The following ZNF540 variants were observed in gnomAD, a reference collection of about 807,000 sequenced individuals.
The protein encoded by ZNF540 is zinc finger protein 540, also known as CTD-3064H18.6.
ZNF540 carries 3 observed loss-of-function variants against 11.8 expected under a neutral mutation model. The ratio of observed to expected loss-of-function variants is 0.25; its 90% confidence interval spans 0.12 to 0.65. The LOEUF is 0.65. Ranked by LOEUF, ZNF540 falls within the 30% of genes least tolerant of loss-of-function variation. The probability of loss-of-function intolerance (pLI) is 0.83; values close to 1 mark genes in which losing one functional copy is unlikely to be tolerated. For synonymous variants in ZNF540, 247 were observed against 259.0 expected (o/e 0.95, Z 0.45); for missense variants, 709 against 793.1 (o/e 0.89, Z 1.27).
At position 37,612,244 on chromosome 19, in the gene ZNF540, A is replaced by G. The variant is rs751720212; in HGVS notation, c.964A>G (p.Thr322Ala). 6.2e-7 allele frequency: 1 copy of G among 1,613,872 alleles called. No homozygotes were observed. Among genetic ancestry groups the G allele is most frequent in the South Asian group, 1.1e-5 (1 of 91,048 alleles). The change falls in exon 5 of 5, where the codon ACA becomes GCA. Residue 322 changes from threonine (T) to alanine (A), a missense_variant. By Grantham distance (58) the Thr-to-Ala change is moderately conservative. Transcript: ENST00000316433. ...CTTTAAAGAACATGAGAGAATTCAT[A>G]CAGGTAAGAAACCCTATGAATGTAA... is the stretch of plus-strand genomic sequence containing the variant. ...FYFKEHERIH[T>A]GKKPYECKEC...
intron 1 of ZNF540, chr19:37,562,346 A>C (rs1206238099): frequency 6.6e-6 from 1 of 151,680 alleles, no homozygotes; most frequent in Non-Finnish European, 1.5e-5. Flanking sequence ...ACACCACTGC[A>C]CTCCAGCCTG....
chr19:37,612,212 T>C lies in ZNF540; in HGVS notation c.932T>C (p.Ile311Thr). 2 of 1,612,790 alleles carry C rather than the reference T, an allele frequency of 1.2e-6. No homozygotes were observed. The highest frequency in any genetic ancestry group is 1.7e-6 in the Non-Finnish European group (2 of 1,179,798). ...CKECGKVFQL[I>T]FYFKEHERIH... ...GAATGTGGAAAAGTTTTTCAACTTA[T>C]TTTCTACTTTAAAGAACATGAGAGA... Residue 311 changes from isoleucine (I) to threonine (T), a missense_variant, in exon 5 of 5, where the codon ATT becomes ACT. By Grantham distance (89) the Ile-to-Thr change is moderately conservative. Coordinates refer to ENST00000316433, the MANE Select transcript of ZNF540 (RefSeq NM_001172225.3).
chr19:37,555,061 A>C (rs1038472296), intron 1 of ZNF540: 1 of 152,256 alleles, frequency 6.6e-6, no homozygotes, highest in African/African-American at 2.4e-5. Flanking sequence ...ATTCCTGGGA[A>C]TTGCAGATAT....
chr19:37,596,032 T>C (rs1427850299), intron 1 of ZNF540, among the ~76,000 whole-genome samples: 1 of 152,184 alleles, frequency 6.6e-6, no homozygotes, highest in Non-Finnish European at 1.5e-5. Context: ...TATGAGGTTG[T>C]AAGAAATAAT....
intron 4 of ZNF540, among the ~76,000 whole-genome samples, chr19:37,609,235 G>A (rs1206733734): frequency 6.6e-6 from 1 of 152,130 alleles, no homozygotes; most frequent in Non-Finnish European, 1.5e-5. Flanking sequence ...GATATCATCT[G>A]AGAAAGCTTA....
chr19:37,597,515 C>G (rs1242045781), intron 1 of ZNF540: 1 of 152,184 alleles, frequency 6.6e-6, no homozygotes, highest in Non-Finnish European at 1.5e-5. Context: ...GCAGCCTCCC[C>G]CTCCCAGATT....
At chr19:37,556,801 C>T (rs893915748) in intron 1 of ZNF540, among the ~76,000 whole-genome samples, 1 of 152,196 alleles carries the variant, frequency 6.6e-6, no homozygotes. Context: ...GTGCACCTTA[C>T]TCTAAGTAGG....
chr19:37,600,006 G>C (rs1316388132), intron 3 of ZNF540, among the ~76,000 whole-genome samples: 1 of 152,094 alleles, frequency 6.6e-6, no homozygotes, highest in Non-Finnish European at 1.5e-5. Flanking sequence ...TAAGAGACTG[G>C]ATTTGAATTT....
At chr19:37,582,249 T>C (rs1228262036) in intron 1 of ZNF540, among the ~76,000 whole-genome samples, 1 of 152,168 alleles carries the variant, frequency 6.6e-6, no homozygotes, top group African/African-American at 2.4e-5. Context: ...CAAACCCACC[T>C]TGTCAGGGTC....
At chr19:37,598,506 CAT>C in intron 2 of ZNF540, 50 bp downstream of exon 2, 2 of 1,601,580 alleles carry the variant, frequency 1.2e-6, no homozygotes, top group East Asian at 4.5e-5. Flanking sequence ...TTTTAAAGAT[CAT>C]GTGAACATTT....
chr19:37,552,060 C>A (rs953151189), intron 1 of ZNF540, among the ~76,000 whole-genome samples: 2 of 152,092 alleles, frequency 1.3e-5, no homozygotes, highest in African/African-American at 4.8e-5. Context: ...TAAAAGCATA[C>A]ATTTCCCTCA....
intron 4 of ZNF540, 132 bp from the exon 5 acceptor site, chr19:37,611,381 T>C (rs772807848): frequency 3.1e-5 from 21 of 673,780 alleles, no homozygotes; most frequent in South Asian, 4.9e-5. Context: ...TATAACTTTA[T>C]TGAAATATTC....
chr19:37,560,415 C>T (rs1272709134), intron 1 of ZNF540: 1 of 150,424 alleles, frequency 6.6e-6, no homozygotes, highest in African/African-American at 2.5e-5. Flanking sequence ...CTCTGTTGCC[C>T]AGGCTGGAGT....
intron 4 of ZNF540, among the ~76,000 whole-genome samples, chr19:37,603,195 C>T (rs971229130): frequency 6.6e-6 from 1 of 151,928 alleles, no homozygotes; most frequent in East Asian, 1.9e-4. Flanking sequence ...TTAGTAGAAA[C>T]GGGGTCTCAC....
upstream of ZNF540, among the ~76,000 whole-genome samples, chr19:37,592,021 G>A (rs537771687): frequency 6.6e-6 from 1 of 152,252 alleles, no homozygotes; most frequent in South Asian, 2.1e-4. Context: ...ACTTTGGGAA[G>A]CTGAGGTGGG....
chr19:37,556,267 G>A (rs1419273893), intron 1 of ZNF540: 1 of 616,704 alleles, frequency 1.6e-6, no homozygotes, highest in African/African-American at 1.8e-5. Context: ...GAGGTGAGGA[G>A]AAAGGAGTAG....
At position 37,614,173 on chromosome 19, in the gene ZNF540, A is replaced by G. The variant is rs1335547410; in HGVS notation, c.*910A>G. On this transcript the variant is annotated 3_prime_UTR_variant, in exon 5 of 5. Transcript: ENST00000316433. Reference sequence around the variant, plus strand: ...ATTAGAATATAAATAAAATGTAAAGATCTAAATTCAGACCTCATTGCTTAA... The same window carrying G: ...ATTAGAATATAAATAAAATGTAAAGGTCTAAATTCAGACCTCATTGCTTAA... 3.8e-6 allele frequency: 1 copy of G among 263,984 alleles called. No individual in the cohort carries two copies. The highest frequency in any genetic ancestry group is 7.0e-6 in the Non-Finnish European group (1 of 141,902). The allele number at this position is 263,984 out of a possible 1,614,324, so 16.4% of individuals were successfully genotyped here.
At chr19:37,583,880 CT>C in intron 1 of ZNF540, 1 of 1,375,166 alleles carries the variant, frequency 7.3e-7, no homozygotes, top group Non-Finnish European at 1.0e-6. Flanking sequence ...AAACGTAAGC[CT>C]TTCCTTAGGG....
In ZNF540 at chr19:37,613,294, T is replaced by C; in HGVS notation, c.*31T>C. On this transcript the variant is annotated 3_prime_UTR_variant, in exon 5 of 5. Coordinates refer to ENST00000316433, the MANE Select transcript of ZNF540 (RefSeq NM_001172225.3). ...GAAAAGGTTTCCATGTCATGCTCTA[T>C]TTATAGAATATCAAAATATTTATGG... 7.2e-7 allele frequency: 1 copy of C among 1,386,678 alleles called. No individual in the cohort carries two copies. Among genetic ancestry groups the C allele is most frequent in the Non-Finnish European group, 9.5e-7 (1 of 1,051,390 alleles). 85.9% of individuals were successfully genotyped at this position (1,386,678 alleles called of 1,614,324 possible). A position where few individuals can be genotyped will look rare whatever the true frequency, so the allele number is the denominator to read the frequency against.
Sources: allele counts gnomAD v4.1 joint callset (sites outside exome capture counted in the v4.1 genomes callset), GRCh38; gene constraint gnomAD v4.1.1; transcripts MANE v1.5; gene names NCBI Gene and HGNC (gene_info 2026-07-23, HGNC 2026-07-21).